Variants in AMOTL1 observed in about 807,000 individuals in gnomAD.
The protein encoded by AMOTL1 is angiomotin like 1.
A neutral mutation model predicts 102.9 loss-of-function variants in AMOTL1; 45 were observed. That is an observed-to-expected ratio of 0.44 (90% confidence interval 0.34 to 0.56). The LOEUF is 0.56. Among genes scored for constraint, AMOTL1 ranks in the 20% least tolerant of loss-of-function variants. The probability of loss-of-function intolerance (pLI) is 0.01; values close to 1 mark genes in which losing one functional copy is unlikely to be tolerated. For missense variants in AMOTL1, 1,114 were observed against 1,225.6 expected (o/e 0.91, Z 1.36); for synonymous variants, 481 against 484.7 (o/e 0.99, Z 0.10).
intron 1 of AMOTL1, among the ~76,000 whole-genome samples, chr11:94,711,799 G>A (rs1461155692): frequency 6.6e-6 from 1 of 152,072 alleles, no homozygotes; most frequent in East Asian, 1.9e-4. Context: ...GTATTGAATA[G>A]TATGGATGTA....
intron 3 of AMOTL1, among the ~76,000 whole-genome samples, chr11:94,815,450 A>G (rs1951748751): frequency 6.6e-6 from 1 of 152,142 alleles, no homozygotes; most frequent in Non-Finnish European, 1.5e-5. Context: ...CACAGTTTTA[A>G]TAAGTAATCT....
intron 3 of AMOTL1, among the ~76,000 whole-genome samples, chr11:94,814,433 T>C (rs1478266712): frequency 6.6e-6 from 1 of 152,244 alleles, no homozygotes; most frequent in Admixed American, 6.5e-5. Flanking sequence ...GAGAAACTTC[T>C]ATTCCTTGGC....
chr11:94,851,283 C>G (rs1052373246), intron 7 of AMOTL1, among the ~76,000 whole-genome samples: 7 of 152,196 alleles, frequency 4.6e-5, no homozygotes, highest in Non-Finnish European at 1.0e-4. Context: ...ACATCTCCAT[C>G]TCCATGAGTG....
chr11:94,768,252 C>T, upstream of AMOTL1: 4 of 1,204,458 alleles, frequency 3.3e-6, no homozygotes, highest in Non-Finnish European at 4.1e-6. Flanking sequence ...TAGGGCCCAG[C>T]GGCCGGGCGC....
chr11:94,775,381 T>C (rs1016997131), intron 1 of AMOTL1, among the ~76,000 whole-genome samples: 2 of 152,152 alleles, frequency 1.3e-5, no homozygotes, highest in African/African-American at 4.8e-5. Flanking sequence ...TGATAAATAG[T>C]TGTAGTAAGG....
intron 3 of AMOTL1, 126 bp from the exon 4 acceptor site, chr11:94,821,404 C>G (rs1206044237): frequency 2.1e-5 from 21 of 996,816 alleles, no homozygotes; most frequent in Non-Finnish European, 2.9e-5. Flanking sequence ...GTGAATACCT[C>G]CCACTGGGAA....
intron 7 of AMOTL1, among the ~76,000 whole-genome samples, chr11:94,852,390 A>G (rs1483078910): frequency 6.6e-6 from 1 of 152,262 alleles, no homozygotes. Context: ...AATCACTAGC[A>G]TGTTCCAGCT....
intron 3 of AMOTL1, among the ~76,000 whole-genome samples, chr11:94,759,279 A>AT (rs1950763737): frequency 6.6e-6 from 1 of 151,880 alleles, no homozygotes; most frequent in Non-Finnish European, 1.5e-5. Context: ...TCAATATTTG[A>AT]TTTTTTTCCT....
chr11:94,815,842 T>A (rs1316214818), intron 3 of AMOTL1, among the ~76,000 whole-genome samples: 4 of 152,054 alleles, frequency 2.6e-5, no homozygotes, highest in African/African-American at 9.7e-5. Flanking sequence ...AAATGACTGG[T>A]TAAGAAAGAG....
chr11:94,827,951 T>A lies in AMOTL1; in HGVS notation c.1414-2099T>A, dbSNP rs1301099846. The stretch of plus-strand genomic sequence containing the variant: ...TGAATGCTTTTTTGGCCTTCTAATC[T>A]TCTGTTTACCTCCCTGAGTGGTCTC... On this transcript the variant is annotated intron_variant, in intron 4 of 12. Transcript: ENST00000433060. 2.0e-5 allele frequency among the ~76,000 whole-genome samples: 3 copies of A among 152,274 alleles called. No homozygotes were observed. The East Asian group carries it at 5.8e-4, about 29-fold the overall frequency.
At chr11:94,868,634 T>G (rs1952930067) in intron 11 of AMOTL1, among the ~76,000 whole-genome samples, 1 of 152,096 alleles carries the variant, frequency 6.6e-6, no homozygotes. Flanking sequence ...GGGACCATCA[T>G]CCATTACAAG....
At chr11:94,803,607 C>T (rs1951518119) in intron 3 of AMOTL1, among the ~76,000 whole-genome samples, 1 of 152,154 alleles carries the variant, frequency 6.6e-6, no homozygotes, top group Admixed American at 6.5e-5. Flanking sequence ...CCCAACCCCC[C>T]AAGCAAAGGC....
intron 7 of AMOTL1, 57 bp downstream of exon 7, chr11:94,850,316 T>C: frequency 6.6e-7 from 1 of 1,504,996 alleles, no homozygotes; most frequent in Non-Finnish European, 8.9e-7. Context: ...CCCAGAGGGC[T>C]TCCACTTTCT....
At position 94,874,338 on chromosome 11, in the gene AMOTL1, C is replaced by G. The variant is rs1446233929; in HGVS notation, c.*3543C>G. 1 of 152,250 alleles carries G rather than the reference C, an allele frequency of 6.6e-6. No homozygotes were observed. Among genetic ancestry groups the G allele is most frequent in the African/African-American group, 2.4e-5 (1 of 41,464 alleles). 9.4% of individuals were successfully genotyped at this position (152,250 alleles called of 1,614,324 possible). ...TCTCTGCCTCCCAGAGGCTGGCAGC[C>G]AGTGACACTGCAGAGTTCAGCATGT... On this transcript the variant is annotated 3_prime_UTR_variant, in exon 13 of 13. Transcript: ENST00000433060.
intron 10 of AMOTL1, 129 bp downstream of exon 10, chr11:94,864,989 A>G: frequency 2.3e-6 from 3 of 1,287,498 alleles, no homozygotes; most frequent in South Asian, 4.4e-5. Context: ...CTCCTCCCCC[A>G]TGCTGTGCCA....
intron 6 of AMOTL1, among the ~76,000 whole-genome samples, chr11:94,844,851 C>T (rs1952375673): frequency 1.3e-5 from 2 of 152,196 alleles, no homozygotes; most frequent in African/African-American, 2.4e-5. Context: ...CTACCAAGCA[C>T]TCCAGTGACT....
chr11:94,805,098 T>G (rs748806514), intron 3 of AMOTL1, among the ~76,000 whole-genome samples: 1 of 152,246 alleles, frequency 6.6e-6, no homozygotes, highest in Non-Finnish European at 1.5e-5. Flanking sequence ...CTCCCACGAG[T>G]GTAAACACTT....
At chr11:94,804,261 T>C (rs1591982847) in intron 3 of AMOTL1, among the ~76,000 whole-genome samples, 1 of 152,198 alleles carries the variant, frequency 6.6e-6, no homozygotes, top group African/African-American at 2.4e-5. Context: ...ATCATTATAA[T>C]TGCAAAATCT....
chr11:94,771,945 G>A (rs189736100), intron 1 of AMOTL1, among the ~76,000 whole-genome samples: 3 of 152,304 alleles, frequency 2.0e-5, no homozygotes, highest in African/African-American at 7.2e-5. Context: ...GTTTAAACCT[G>A]TGTTTGAGAC....
Sources: gnomAD v4.1 joint callset for allele counts (sites outside exome capture counted in the v4.1 genomes callset) on GRCh38, gnomAD v4.1.1 for gene constraint, MANE v1.5 for transcripts, NCBI Gene and HGNC (gene_info 2026-07-23, HGNC 2026-07-21) for gene names.